The following ERC2 variants were observed in gnomAD, a reference collection of about 807,000 sequenced individuals.
ERC2 encodes ELKS/RAB6-interacting/CAST family member 2.
Under a neutral mutation model 114.8 loss-of-function variants are expected in ERC2, and 42 were observed. That is an observed-to-expected ratio of 0.37 (90% CI 0.29 to 0.47). The LOEUF (loss-of-function observed/expected upper bound fraction) is 0.47. Among genes scored for constraint, ERC2 ranks in the 20% least tolerant of loss-of-function variants. The probability of loss-of-function intolerance (pLI) is 0.99; values close to 1 mark genes in which losing one functional copy is unlikely to be tolerated. For synonymous variants in ERC2, 454 were observed against 425.5 expected (o/e 1.07, Z -0.82); for missense variants, 939 against 1,150.7 (o/e 0.82, Z 2.66).
chr3:56,073,442 G>C (rs1232042254), intron 7 of ERC2, among the ~76,000 whole-genome samples: 1 of 152,180 alleles, frequency 6.6e-6, no homozygotes, highest in Non-Finnish European at 1.5e-5. Context: ...AATATCTCCA[G>C]ACATTAGCAA....
chr3:56,014,557 C>T (rs1399370585), intron 8 of ERC2, among the ~76,000 whole-genome samples: 2 of 152,126 alleles, frequency 1.3e-5, no homozygotes, highest in Non-Finnish European at 2.9e-5. Flanking sequence ...AGGGGCCAGA[C>T]TCCCACAGAC....
At chr3:55,914,512 C>T (rs2064988331) in intron 13 of ERC2, among the ~76,000 whole-genome samples, 1 of 152,128 alleles carries the variant, frequency 6.6e-6, no homozygotes, top group Non-Finnish European at 1.5e-5. Context: ...TACCCAAATC[C>T]TCTTTCTGTT....
At chr3:55,968,661 ATGATACACGTTTATT>A (rs1306279784) in intron 12 of ERC2, among the ~76,000 whole-genome samples, 1 of 152,168 alleles carries the variant, frequency 6.6e-6, no homozygotes, top group African/African-American at 2.4e-5. Flanking sequence ...TTGCACAAAA[ATGATACACGTTTATT>A]TGATACTACT....
At chr3:55,703,022 C>T (rs1250505992) in intron 15 of ERC2, among the ~76,000 whole-genome samples, 4 of 152,190 alleles carry the variant, frequency 2.6e-5, no homozygotes, top group South Asian at 2.1e-4. Context: ...TACTATATTA[C>T]GTCATGACTG....
At chr3:56,138,117 T>C (rs1041915946) in intron 6 of ERC2, among the ~76,000 whole-genome samples, 10 of 144,250 alleles carry the variant, frequency 6.9e-5, no homozygotes, top group African/African-American at 2.6e-4. Flanking sequence ...TGGAGTGCAG[T>C]GGCACGATCT....
intron 17 of ERC2, among the ~76,000 whole-genome samples, chr3:55,558,322 T>A (rs1575580651): frequency 6.6e-6 from 1 of 152,184 alleles, no homozygotes; most frequent in Admixed American, 6.5e-5. Context: ...GAAATGCAGG[T>A]ATGAATAAAA....
intron 8 of ERC2, among the ~76,000 whole-genome samples, chr3:56,013,014 C>G (rs2073058367): frequency 6.6e-6 from 1 of 152,192 alleles, no homozygotes; most frequent in Non-Finnish European, 1.5e-5. Context: ...ATCTGGCTTT[C>G]TCAACTGCTT....
intron 2 of ERC2, among the ~76,000 whole-genome samples, chr3:56,415,860 C>T (rs139721839): frequency 1.6e-3 from 242 of 152,328 alleles, no homozygotes; most frequent in African/African-American, 5.4e-3. Flanking sequence ...GGACAGCCAA[C>T]ACAAATACTT....
intron 3 of ERC2, among the ~76,000 whole-genome samples, chr3:56,223,617 T>C (rs1052643164): frequency 6.6e-6 from 1 of 151,834 alleles, no homozygotes; most frequent in Non-Finnish European, 1.5e-5. Context: ...CTGCAATGTA[T>C]ATAACTCTCC....
In ERC2 at chr3:55,686,714, T is replaced by A. The variant is rs2062352228; in HGVS notation, c.2848-2855A>T. Among the ~76,000 whole-genome samples, 3 of 152,232 alleles carry A rather than the reference T, an allele frequency of 2.0e-5. No individual in the cohort carries two copies. In the South Asian group the frequency reaches 6.2e-4, roughly 32 times the overall value. On this transcript the variant is annotated intron_variant, in intron 16 of 17. Transcript: ENST00000288221. ...TACTTGGCATTTTAAAATGCATCTA[T>A]CAGGCCTGGGAGAGTCTGTTTCCTT...
intron 14 of ERC2, among the ~76,000 whole-genome samples, chr3:55,756,822 A>C (rs2067090539): frequency 6.6e-6 from 1 of 152,158 alleles, no homozygotes; most frequent in South Asian, 2.1e-4. Context: ...TCTGTACCCA[A>C]GACAAAGAAA....
intron 2 of ERC2, among the ~76,000 whole-genome samples, chr3:56,367,979 G>A (rs888706766): frequency 6.7e-6 from 1 of 148,578 alleles, no homozygotes; most frequent in Non-Finnish European, 1.5e-5. Flanking sequence ...GTAAAAGGTA[G>A]GACAAATTTT....
chr3:56,394,319 T>C lies in ERC2; in HGVS notation c.657+40032A>G, dbSNP rs935474583. On this transcript the variant is annotated intron_variant, in intron 2 of 17. Coordinates refer to ENST00000288221, the MANE Select transcript of ERC2 (RefSeq NM_015576.3). ...ACATAAACTCCAAATATTATTAATATTTCAAATAAAACTTTTAGTGAAACT... is the reference window on the plus strand; with the variant it reads ...ACATAAACTCCAAATATTATTAATACTTCAAATAAAACTTTTAGTGAAACT... 3.3e-5 allele frequency among the ~76,000 whole-genome samples: 5 copies of C among 152,210 alleles called. No individual in the cohort carries two copies. In the South Asian group the frequency reaches 1.0e-3, roughly 31 times the overall value.
chr3:56,097,548 T>G (rs1346844000), intron 6 of ERC2, among the ~76,000 whole-genome samples: 1 of 152,186 alleles, frequency 6.6e-6, no homozygotes, highest in Non-Finnish European at 1.5e-5. Context: ...GTCAACAATA[T>G]TCTATTGTAT....
intron 3 of ERC2, among the ~76,000 whole-genome samples, chr3:56,269,854 G>T (rs2053545113): frequency 6.6e-6 from 1 of 152,162 alleles, no homozygotes; most frequent in African/African-American, 2.4e-5. Context: ...AGTTTTGAAA[G>T]TGTTGACACT....
chr3:55,741,447 A>G (rs1422162509), intron 14 of ERC2, among the ~76,000 whole-genome samples: 1 of 152,196 alleles, frequency 6.6e-6, no homozygotes, highest in Admixed American at 6.5e-5. Flanking sequence ...CCGGAAACAG[A>G]AAAATCATTA....
Position 56,171,277 on chromosome 3 carries a change from C to A in ERC2, c.1149+2169G>T, listed in dbSNP as rs568774399. Among the ~76,000 whole-genome samples the A allele has an allele frequency of 1.7e-4, 26 of 152,264 alleles. No individual in the cohort carries two copies. The South Asian group carries it at 3.9e-3, about 23-fold the overall frequency. On this transcript the variant is annotated intron_variant, in intron 4 of 17. Coordinates refer to ENST00000288221, the MANE Select transcript of ERC2 (RefSeq NM_015576.3). ...TGTACAAAATCAGATGAGATCACAG[C>A]CTCCAGCCTGAGCTATACACATGGC... is the stretch of plus-strand genomic sequence containing the variant.
intron 2 of ERC2, among the ~76,000 whole-genome samples, chr3:56,300,802 T>C (rs959861709): frequency 6.6e-6 from 1 of 152,226 alleles, no homozygotes; most frequent in African/African-American, 2.4e-5. Flanking sequence ...CCAAACACTT[T>C]GACCCCAATG....
intron 11 of ERC2, among the ~76,000 whole-genome samples, chr3:55,991,271 T>C (rs2071037884): frequency 6.6e-6 from 1 of 152,198 alleles, no homozygotes; most frequent in South Asian, 2.1e-4. Context: ...GGATTGAATC[T>C]GGGAAAGACA....
Sources: allele counts gnomAD v4.1 joint callset (sites outside exome capture counted in the v4.1 genomes callset), GRCh38; gene constraint gnomAD v4.1.1; transcripts MANE v1.5; gene names NCBI Gene and HGNC (gene_info 2026-07-23, HGNC 2026-07-21).